MDGA2: variants seen among roughly 807,000 people sequenced by gnomAD.
MDGA2 encodes the protein MAM domain containing glycosylphosphatidylinositol anchor 2, also known as MAM domain-containing glycosylphosphatidylinositol anchor protein 2.
MDGA2 carries 40 observed loss-of-function variants against 117.8 expected under a neutral mutation model. The ratio of observed to expected loss-of-function variants is 0.34; its 90% CI spans 0.26 to 0.44. The LOEUF is 0.44. Among genes scored for constraint, MDGA2 ranks in the 20% least tolerant of loss-of-function variants. The pLI, the probability that MDGA2 is intolerant of heterozygous loss-of-function variation, is 1.00. For missense variants in MDGA2, 1,123 were observed against 1,250.6 expected, an observed-to-expected ratio of 0.90 and a Z score of 1.54; for synonymous variants, 452 against 439.0, an observed-to-expected ratio of 1.03 and a Z score of -0.37.
intron 10 of MDGA2, among the ~76,000 whole-genome samples, chr14:46,883,490 G>A (rs1264483438): frequency 6.6e-6 from 1 of 151,932 alleles, no homozygotes; most frequent in African/African-American, 2.4e-5. Flanking sequence ...TATTTTTAAT[G>A]CTTATATATT....
At chr14:47,187,917 T>TTGTG (rs34044843) in intron 3 of MDGA2, among the ~76,000 whole-genome samples, 1,853 of 148,744 alleles carry the variant, frequency 0.012, 18 homozygotes, top group Non-Finnish European at 0.021. Flanking sequence ...TTAAAGTAGG[T>TTGTG]TGTGTGTGTG....
intron 14 of MDGA2, among the ~76,000 whole-genome samples, chr14:46,863,024 C>A (rs1345175413): frequency 6.6e-6 from 1 of 152,002 alleles, no homozygotes; most frequent in East Asian, 1.9e-4. Flanking sequence ...CTTTCTATTT[C>A]TCTGATGTAA....
chr14:46,858,643 G>T (rs1881382633), intron 14 of MDGA2, among the ~76,000 whole-genome samples: 1 of 151,740 alleles, frequency 6.6e-6, no homozygotes, highest in East Asian at 1.9e-4. Context: ...TAGCCAGAAT[G>T]GTCTCGATCT....
chr14:47,487,509 A>G (rs1179183439), intron 1 of MDGA2, among the ~76,000 whole-genome samples: 1 of 152,200 alleles, frequency 6.6e-6, no homozygotes, highest in Non-Finnish European at 1.5e-5. Flanking sequence ...CTCACAGAAA[A>G]TGAAAACTTT....
Position 47,043,261 on chromosome 14 carries a change from C to T in MDGA2, c.1526-7957G>A, listed in dbSNP as rs184636018. 8.9e-4 allele frequency among the ~76,000 whole-genome samples: 136 copies of T among 152,076 alleles called. 2 individuals carry two copies. The highest frequency in any genetic ancestry group is 3.1e-3 in the African/African-American group (129 of 41,518). ...TTTAGAGATCATGATAGGCAACACA[C>T]GGTTTGATGGAAGGTGGCTAAACTA... On this transcript the variant is annotated intron_variant, in intron 7 of 16. Transcript: ENST00000399232.
chr14:47,282,523 AACAC>A (rs59651044), intron 2 of MDGA2, among the ~76,000 whole-genome samples: 26 of 149,248 alleles, frequency 1.7e-4, no homozygotes, highest in East Asian at 4.0e-4. Flanking sequence ...ATTAAAAATA[AACAC>A]ACACACACAC....
intron 1 of MDGA2, among the ~76,000 whole-genome samples, chr14:47,351,524 T>C (rs542181903): frequency 1.3e-5 from 2 of 152,322 alleles, no homozygotes; most frequent in East Asian, 3.9e-4. Flanking sequence ...ATTATAACTA[T>C]TCTTGGTTAA....
chr14:47,404,240 C>T (rs1177459884), intron 1 of MDGA2, among the ~76,000 whole-genome samples: 2 of 150,798 alleles, frequency 1.3e-5, no homozygotes, highest in African/African-American at 4.9e-5. Context: ...GGCTGGAGTA[C>T]AGTGATGCAA....
chr14:47,200,358 A>G (rs1213583971), intron 3 of MDGA2, among the ~76,000 whole-genome samples: 2 of 152,028 alleles, frequency 1.3e-5, no homozygotes, highest in Non-Finnish European at 2.9e-5. Flanking sequence ...GAATGAACGA[A>G]ACAATTTAAA....
chr14:47,334,592 T>C (rs1199479680), intron 1 of MDGA2, among the ~76,000 whole-genome samples: 6 of 151,992 alleles, frequency 3.9e-5, no homozygotes, highest in African/African-American at 1.4e-4. Flanking sequence ...TTTATTTAAA[T>C]ATATTGCTCT....
chr14:47,624,619 G>T (rs1055684281), intron 1 of MDGA2, among the ~76,000 whole-genome samples: 2 of 151,946 alleles, frequency 1.3e-5, no homozygotes, highest in African/African-American at 4.8e-5. Context: ...TATCTAATCA[G>T]TTTTTTTTAA....
At chr14:46,865,583 A>T (rs1881721373) in intron 14 of MDGA2, among the ~76,000 whole-genome samples, 2 of 152,074 alleles carry the variant, frequency 1.3e-5, no homozygotes, top group Non-Finnish European at 1.5e-5. Flanking sequence ...TTCAATTAGG[A>T]AAAGAGGAAG....
At position 46,929,931 on chromosome 14, in the gene MDGA2, C is replaced by T. The variant is rs565424905; in HGVS notation, c.2090-9771G>A. ...GATTACAAGCATGAGCCACTGCGCCCGGCCCATGATTATATAATTTGAGAG... is the reference window on the plus strand; with the variant it reads ...GATTACAAGCATGAGCCACTGCGCCTGGCCCATGATTATATAATTTGAGAG... On this transcript the variant is annotated intron_variant, in intron 9 of 16. Coordinates refer to ENST00000399232, the MANE Select transcript of MDGA2 (RefSeq NM_001113498.3). 2.5e-4 allele frequency among the ~76,000 whole-genome samples: 38 copies of T among 150,984 alleles called. 1 individual carries two copies. The highest frequency in any genetic ancestry group is 7.5e-4 in the African/African-American group (31 of 41,164).
intron 9 of MDGA2, among the ~76,000 whole-genome samples, chr14:46,933,609 T>C (rs1369295829): frequency 1.3e-5 from 2 of 151,346 alleles, no homozygotes; most frequent in Admixed American, 1.3e-4. Flanking sequence ...TTTCCATAAG[T>C]TAATTTGATT....
intron 1 of MDGA2, among the ~76,000 whole-genome samples, chr14:47,417,313 A>C (rs1892494573): frequency 1.3e-5 from 2 of 152,190 alleles, no homozygotes; most frequent in African/African-American, 4.8e-5. Context: ...TCACTCACAA[A>C]TTCTACCTTC....
intron 5 of MDGA2, among the ~76,000 whole-genome samples, chr14:47,106,571 C>A (rs1406582156): frequency 1.3e-5 from 2 of 151,990 alleles, no homozygotes; most frequent in African/African-American, 4.8e-5. Flanking sequence ...ACTCACCTGG[C>A]AGCCACTCCC....
chr14:47,007,373 G>A (rs1237536477), intron 8 of MDGA2, among the ~76,000 whole-genome samples: 1 of 151,726 alleles, frequency 6.6e-6, no homozygotes, highest in East Asian at 1.9e-4. Flanking sequence ...TTCATGTTGG[G>A]TGTCCACCAT....
chr14:47,287,203 C>T (rs1888716689), intron 2 of MDGA2, among the ~76,000 whole-genome samples: 1 of 151,942 alleles, frequency 6.6e-6, no homozygotes, highest in Admixed American at 6.6e-5. Flanking sequence ...CCCCAAACAG[C>T]GTCCTGTGAT....
intron 1 of MDGA2, among the ~76,000 whole-genome samples, chr14:47,340,221 G>A (rs890815871): frequency 2.6e-5 from 4 of 152,022 alleles, no homozygotes; most frequent in African/African-American, 9.7e-5. Context: ...AGAGATCACA[G>A]CAGGATATAC....
Sources: allele counts gnomAD v4.1 joint callset (sites outside exome capture counted in the v4.1 genomes callset), GRCh38; gene constraint gnomAD v4.1.1; transcripts MANE v1.5; gene names NCBI Gene and HGNC (gene_info 2026-07-23, HGNC 2026-07-21).